The following ZHX2 variants were observed in gnomAD, a reference collection of about 807,000 sequenced individuals.
ZHX2 encodes zinc fingers and homeoboxes 2.
In ZHX2, 6 loss-of-function variants were observed where a neutral mutation model predicts 21.9. That is an observed-to-expected ratio of 0.27 (90% CI 0.15 to 0.54). The LOEUF is 0.54. Ranked by LOEUF, ZHX2 falls within the 20% of genes least tolerant of loss-of-function variation. The probability of loss-of-function intolerance (pLI) is 0.95; values close to 1 mark genes in which losing one functional copy is unlikely to be tolerated. For synonymous variants in ZHX2, 434 were observed against 437.1 expected, an observed-to-expected ratio of 0.99 and a Z score of 0.09; for missense variants, 908 against 1,090.7, an observed-to-expected ratio of 0.83 and a Z score of 2.36.
intron 2 of ZHX2, among the ~76,000 whole-genome samples, chr8:122,910,701 G>A (rs1402801350): frequency 2.0e-5 from 3 of 151,274 alleles, no homozygotes; most frequent in East Asian, 3.9e-4. Context: ...TTGCCCAATC[G>A]AGACCCTTCC....
At chr8:122,884,967 T>G (rs1260718102) in intron 2 of ZHX2, among the ~76,000 whole-genome samples, 1 of 152,216 alleles carries the variant, frequency 6.6e-6, no homozygotes, top group Non-Finnish European at 1.5e-5. Context: ...CTGATTTACA[T>G]TTTTTAGATA....
At chr8:122,899,696 C>T (rs1298508664) in intron 2 of ZHX2, among the ~76,000 whole-genome samples, 1 of 152,082 alleles carries the variant, frequency 6.6e-6, no homozygotes, top group East Asian at 1.9e-4. Context: ...CACAGTCACA[C>T]CTCACATCTC....
At chr8:122,927,616 G>A (rs180879583) in intron 2 of ZHX2, among the ~76,000 whole-genome samples, 226 of 152,276 alleles carry the variant, frequency 1.5e-3, no homozygotes, top group African/African-American at 4.2e-3. Context: ...CTTACATGGC[G>A]GCAGGCAAGA....
At chr8:122,795,478 C>T (rs989731094) in intron 1 of ZHX2, among the ~76,000 whole-genome samples, 2 of 152,338 alleles carry the variant, frequency 1.3e-5, no homozygotes, top group African/African-American at 4.8e-5. Flanking sequence ...CCATCTCCAC[C>T]TTCCTTTGTG....
intron 2 of ZHX2, among the ~76,000 whole-genome samples, chr8:122,921,541 G>A (rs1004234973): frequency 7.9e-5 from 12 of 152,268 alleles, no homozygotes; most frequent in African/African-American, 2.9e-4. Context: ...CGTGGGCGTG[G>A]TGATTCACGC....
intron 2 of ZHX2, among the ~76,000 whole-genome samples, chr8:122,888,406 C>A (rs980768143): frequency 1.3e-5 from 2 of 152,036 alleles, no homozygotes; most frequent in African/African-American, 4.8e-5. Context: ...CATTTCTTTC[C>A]GTTAGGAAGA....
At chr8:122,837,189 C>G (rs1306176106) in intron 1 of ZHX2, among the ~76,000 whole-genome samples, 2 of 152,120 alleles carry the variant, frequency 1.3e-5, no homozygotes, top group Non-Finnish European at 1.5e-5. Flanking sequence ...AATGGGCAAC[C>G]CCTATGGAGT....
At chr8:122,834,434 CCTT>C (rs1818452517) in intron 1 of ZHX2, among the ~76,000 whole-genome samples, 2 of 152,216 alleles carry the variant, frequency 1.3e-5, no homozygotes, top group African/African-American at 4.8e-5. Flanking sequence ...GGACCTGTGA[CCTT>C]CATTGCCGCA....
intron 2 of ZHX2, among the ~76,000 whole-genome samples, chr8:122,879,577 T>TA (rs144495938): frequency 0.051 from 7,751 of 151,960 alleles, 632 homozygotes; most frequent in African/African-American, 0.17. Flanking sequence ...TCATACTTGA[T>TA]ATCTTCCACA....
chr8:122,915,391 T>C (rs968103121), intron 2 of ZHX2, among the ~76,000 whole-genome samples: 1 of 152,204 alleles, frequency 6.6e-6, no homozygotes, highest in South Asian at 2.1e-4. Context: ...CTGTGGACTC[T>C]CCCACCATCT....
intron 3 of ZHX2, among the ~76,000 whole-genome samples, chr8:122,962,048 G>T (rs7001325): frequency 0.13 from 19,411 of 152,070 alleles, 1,263 homozygotes; most frequent in Middle Eastern, 0.23. Flanking sequence ...GTGACACAGG[G>T]TAGCACTGCT....
At chr8:122,960,579 G>C (rs141041439) in intron 3 of ZHX2, among the ~76,000 whole-genome samples, 107 of 152,140 alleles carry the variant, frequency 7.0e-4, no homozygotes, top group Middle Eastern at 6.8e-3. Flanking sequence ...AGAAGTAATG[G>C]ATGGATTGAA....
chr8:122,943,793 C>T (rs149947221), intron 2 of ZHX2, among the ~76,000 whole-genome samples: 192 of 152,194 alleles, frequency 1.3e-3, no homozygotes, highest in African/African-American at 3.9e-3. Context: ...CCTCTTTTCC[C>T]GCCAGCCCCA....
In ZHX2 at chr8:122,882,314, CAG is replaced by C. The variant is rs140529887; in HGVS notation, c.-220+18799_-220+18800del. On this transcript the variant is annotated intron_variant, in intron 2 of 3. Transcript: ENST00000314393. ...GCATTGTTCTTCAAACACACACACA[CAG>C]AGAGAGAGAGAGAGAGAGAGAGACA... 5.7e-3 allele frequency among the ~76,000 whole-genome samples: 833 copies of C among 146,474 alleles called. 1 individual carries two copies. The highest frequency in any genetic ancestry group is 8.7e-3 in the African/African-American group (349 of 39,998).
At chr8:122,958,847 G>GC (rs1813371240) in intron 3 of ZHX2, among the ~76,000 whole-genome samples, 1 of 152,204 alleles carries the variant, frequency 6.6e-6, no homozygotes, top group South Asian at 2.1e-4. Context: ...CCCTCTTTGT[G>GC]CTAGGCCCTG....
At position 122,951,668 on chromosome 8, in the gene ZHX2, A is replaced by G. The variant is rs763829936; in HGVS notation, c.158A>G (p.Asn53Ser). The change falls in exon 3 of 4, where the codon AAC (asparagine) becomes AGC (serine). Residue 53 changes from asparagine (N) to serine (S), a missense_variant. By Grantham distance (46) the Asn-to-Ser change is conservative. Around this residue, in one of 4 missense-constraint regions of ZHX2, gnomAD observed 220 missense variants for 251.4 expected, o/e 0.88. Transcript: ENST00000314393. ...AKDSWAAELE[N>S]SSKENEVIEV... ...GACAGTTGGGCAGCAGAACTTGAAA[A>G]CTCTTCCAAAGAAAACGAAGTGATA... is the stretch of plus-strand genomic sequence containing the variant. 6.2e-7 allele frequency: 1 copy of G among 1,613,368 alleles called. No homozygotes were observed. Among genetic ancestry groups the G allele is most frequent in the Non-Finnish European group, 8.5e-7 (1 of 1,179,852 alleles).
chr8:122,819,067 G>T (rs1468721854), intron 1 of ZHX2, among the ~76,000 whole-genome samples: 1 of 152,204 alleles, frequency 6.6e-6, no homozygotes, highest in East Asian at 1.9e-4. Flanking sequence ...AAGGCATTAA[G>T]ACTCAGCCTC....
At chr8:122,947,067 G>A (rs2130247919) in intron 2 of ZHX2, among the ~76,000 whole-genome samples, 1 of 133,652 alleles carries the variant, frequency 7.5e-6, no homozygotes, top group East Asian at 2.1e-4. Flanking sequence ...ACCAGCCTGG[G>A]CAACAGGGTG....
intron 2 of ZHX2, among the ~76,000 whole-genome samples, chr8:122,912,407 T>C (rs968725800): frequency 6.6e-6 from 1 of 152,204 alleles, no homozygotes; most frequent in Non-Finnish European, 1.5e-5. Context: ...AATGGCATCA[T>C]GTAGGCTGCT....
Sources: allele counts gnomAD v4.1 joint callset (sites outside exome capture counted in the v4.1 genomes callset), GRCh38; gene constraint gnomAD v4.1.1; regional missense constraint gnomAD v4.1.1; transcripts MANE v1.5; gene names NCBI Gene and HGNC (gene_info 2026-07-23, HGNC 2026-07-21).